The following ROBO1 variants were observed in gnomAD, a reference collection of about 807,000 sequenced individuals.
The protein encoded by ROBO1 is roundabout homolog 1.
ROBO1 carries 149 observed loss-of-function variants against 195.9 expected under a neutral mutation model. The ratio of observed to expected loss-of-function variants is 0.76; its 90% CI spans 0.67 to 0.87. ROBO1 has a LOEUF of 0.87. ROBO1 is among the 40% of genes least tolerant of loss of function. The probability of loss-of-function intolerance (pLI) is 0.00; values close to 1 mark genes in which losing one functional copy is unlikely to be tolerated. For missense variants in ROBO1, 1,933 were observed against 2,068.3 expected (o/e 0.93, Z 1.27); for synonymous variants, 816 against 733.2 (o/e 1.11, Z -1.82).
chr3:79,756,557 A>G (rs1380102809), intron 1 of ROBO1, among the ~76,000 whole-genome samples: 9 of 151,654 alleles, frequency 5.9e-5, no homozygotes, highest in African/African-American at 2.2e-4. Context: ...TCTCAAAAAA[A>G]AAAAAAAAAA....
intron 4 of ROBO1, among the ~76,000 whole-genome samples, chr3:78,826,961 A>G (rs1263851186): frequency 6.6e-6 from 1 of 152,184 alleles, no homozygotes; most frequent in Non-Finnish European, 1.5e-5. Context: ...GTTTTAACAT[A>G]TGATTTTGCA....
intron 25 of ROBO1, among the ~76,000 whole-genome samples, chr3:78,629,393 G>C (rs959834913): frequency 3.3e-5 from 5 of 151,974 alleles, no homozygotes; most frequent in East Asian, 1.9e-4. Context: ...AAATAGCTTG[G>C]GAAATGCATT....
intron 1 of ROBO1, among the ~76,000 whole-genome samples, chr3:79,745,079 G>C (rs1041231478): frequency 2.0e-5 from 3 of 152,060 alleles, no homozygotes; most frequent in Admixed American, 2.0e-4. Context: ...AAGAATAAAA[G>C]GTGCCTCTGT....
At chr3:79,197,419 T>G (rs2081659541) in intron 2 of ROBO1, among the ~76,000 whole-genome samples, 1 of 152,112 alleles carries the variant, frequency 6.6e-6, no homozygotes, top group Non-Finnish European at 1.5e-5. Context: ...GTGCCACATT[T>G]TCTTTATCCA....
chr3:79,721,249 T>C (rs989721633), intron 1 of ROBO1, among the ~76,000 whole-genome samples: 1 of 152,210 alleles, frequency 6.6e-6, no homozygotes, highest in African/African-American at 2.4e-5. Context: ...GTGATAATTA[T>C]GGAGATAATT....
At chr3:78,934,652 A>C (rs1354296435) in intron 4 of ROBO1, among the ~76,000 whole-genome samples, 1 of 151,960 alleles carries the variant, frequency 6.6e-6, no homozygotes, top group East Asian at 1.9e-4. Flanking sequence ...TACGGTGCTG[A>C]TATCTCAGAA....
intron 14 of ROBO1, among the ~76,000 whole-genome samples, chr3:78,664,938 C>T (rs773766002): frequency 2.6e-5 from 4 of 152,004 alleles, no homozygotes; most frequent in Non-Finnish European, 5.9e-5. Context: ...CTCAATTTTA[C>T]TTCTTCTCAT....
At chr3:78,646,806 A>G (rs1431458281) in intron 20 of ROBO1, among the ~76,000 whole-genome samples, 1 of 152,032 alleles carries the variant, frequency 6.6e-6, no homozygotes, top group Non-Finnish European at 1.5e-5. Flanking sequence ...TAATCAAAAT[A>G]TATTATAATG....
At chr3:78,944,590 G>A (rs553258958) in intron 3 of ROBO1, among the ~76,000 whole-genome samples, 4 of 152,334 alleles carry the variant, frequency 2.6e-5, no homozygotes, top group South Asian at 2.1e-4. Flanking sequence ...GGGGAGCAAC[G>A]CAGAAGACCA....
chr3:79,617,605 G>A (rs923589147), intron 1 of ROBO1, among the ~76,000 whole-genome samples: 1 of 152,038 alleles, frequency 6.6e-6, no homozygotes, highest in Admixed American at 6.6e-5. Flanking sequence ...AGAAGAGACA[G>A]CTCCTCCAGA....
At chr3:79,524,818 C>G (rs1405323019) in intron 2 of ROBO1, among the ~76,000 whole-genome samples, 1 of 151,986 alleles carries the variant, frequency 6.6e-6, no homozygotes, top group Non-Finnish European at 1.5e-5. Context: ...TGAATTGAAA[C>G]AAAATTTGTT....
chr3:79,444,157 T>C (rs907206603), intron 2 of ROBO1, among the ~76,000 whole-genome samples: 7 of 152,098 alleles, frequency 4.6e-5, no homozygotes, highest in African/African-American at 7.2e-5. Context: ...TTCAATGATA[T>C]TGAGAATTTC....
intron 4 of ROBO1, among the ~76,000 whole-genome samples, chr3:78,748,508 A>T: frequency 6.6e-6 from 1 of 152,216 alleles, no homozygotes; most frequent in East Asian, 1.9e-4. Context: ...TTTGAATTTA[A>T]TATTTATTAC....
intron 4 of ROBO1, among the ~76,000 whole-genome samples, chr3:78,843,634 A>C (rs1456959740): frequency 6.6e-6 from 1 of 152,100 alleles, no homozygotes; most frequent in Non-Finnish European, 1.5e-5. Flanking sequence ...TACTTCTCCA[A>C]AAGTTTTAAC....
intron 2 of ROBO1, among the ~76,000 whole-genome samples, chr3:79,393,882 C>T (rs2037043409): frequency 6.6e-6 from 1 of 152,062 alleles, no homozygotes; most frequent in Non-Finnish European, 1.5e-5. Context: ...ATCTGAATAA[C>T]ATCTGTGAAG....
At chr3:79,541,774 T>C (rs1193260007) in intron 2 of ROBO1, among the ~76,000 whole-genome samples, 1 of 150,410 alleles carries the variant, frequency 6.6e-6, no homozygotes, top group Non-Finnish European at 1.5e-5. Context: ...TGTCTATATA[T>C]GTGTGTGTAT....
At chr3:79,194,780 G>C (rs1237677935) in intron 2 of ROBO1, among the ~76,000 whole-genome samples, 1 of 151,552 alleles carries the variant, frequency 6.6e-6, no homozygotes, top group Non-Finnish European at 1.5e-5. Flanking sequence ...GGGACTGGTT[G>C]CCATTCAAGT....
chr3:78,822,961 G>T (rs1276947574), intron 4 of ROBO1, among the ~76,000 whole-genome samples: 1 of 152,164 alleles, frequency 6.6e-6, no homozygotes, highest in East Asian at 1.9e-4. Context: ...ATTATTTCAT[G>T]AAACATGAAT....
At chr3:79,543,007 A>C (rs1318813237) in intron 2 of ROBO1, among the ~76,000 whole-genome samples, 1 of 152,100 alleles carries the variant, frequency 6.6e-6, no homozygotes, top group Non-Finnish European at 1.5e-5. Flanking sequence ...CAAGGACATA[A>C]AATGGGATTT....
Sources: allele counts gnomAD v4.1 joint callset (sites outside exome capture counted in the v4.1 genomes callset), GRCh38; gene constraint gnomAD v4.1.1; transcripts MANE v1.5; gene names NCBI Gene and HGNC (gene_info 2026-07-23, HGNC 2026-07-21).